The following DNAAF2 variants were observed in gnomAD, a reference collection of about 807,000 sequenced individuals.
DNAAF2 encodes the protein dynein axonemal assembly factor 2.
A neutral mutation model predicts 48.8 loss-of-function variants in DNAAF2; 58 were observed. The observed-to-expected ratio is 1.19, with a 90% CI of 0.96 to 1.48. The LOEUF (loss-of-function observed/expected upper bound fraction) is 1.48, where lower values mean the gene tolerates loss of function less well. Ranked by LOEUF, DNAAF2 falls within the 40% of genes most tolerant of loss-of-function variation. The probability of loss-of-function intolerance (pLI) is 0.00; values close to 1 mark genes in which losing one functional copy is unlikely to be tolerated. For missense variants in DNAAF2, 1,241 were observed against 1,116.1 expected, an observed-to-expected ratio of 1.11 and a Z score of -1.59; for synonymous variants, 567 against 481.2, an observed-to-expected ratio of 1.18 and a Z score of -2.33.
Position 49,625,859 on chromosome 14 carries a change from G to A in DNAAF2, c.2197C>T (p.Leu733Phe). 3 of 1,612,152 alleles carry A rather than the reference G, an allele frequency of 1.9e-6. No homozygotes were observed. The highest frequency in any genetic ancestry group is 2.5e-6 in the Non-Finnish European group (3 of 1,179,438). Residue 733 changes from leucine (L) to phenylalanine (F), a missense_variant, in exon 3 of 3, where the codon CTT (leucine) becomes TTT (phenylalanine). Coordinates refer to ENST00000298292, the MANE Select transcript of DNAAF2 (RefSeq NM_018139.3). ...GLVTCFQQES[L>F]DVSQMILGKS... is the part of the protein sequence containing the mutation. The stretch of plus-strand genomic sequence containing the variant: ...CCAAGTATCATTTGAGAAACATCAA[G>A]AGACTCTTGTTGAAAGCATGTAACT...
chr14:49,631,948 G>A (rs1255434692), intron 1 of DNAAF2, among the ~76,000 whole-genome samples: 1 of 152,142 alleles, frequency 6.6e-6, no homozygotes, highest in African/African-American at 2.4e-5. Context: ...GTTACATGCT[G>A]TTGTTCCATC....
Position 49,635,181 on chromosome 14 carries a change from A to G in DNAAF2, c.-32T>C. 6.5e-7 allele frequency: 1 copy of G among 1,548,586 alleles called. No individual in the cohort carries two copies. The highest frequency in any genetic ancestry group is 8.7e-7 in the Non-Finnish European group (1 of 1,145,924). ...CTGTGGCTCCTCGCCCTCGGGCCAA[A>G]GGCGATCAGTCTGACACTGGGTTGG... is the stretch of plus-strand genomic sequence containing the variant. On this transcript the variant is annotated 5_prime_UTR_variant, in exon 1 of 3. Coordinates refer to ENST00000298292, the MANE Select transcript of DNAAF2 (RefSeq NM_018139.3).
intron 1 of DNAAF2, 151 bp downstream of exon 1, chr14:49,633,136 G>A: frequency 1.2e-6 from 1 of 861,134 alleles, no homozygotes; most frequent in Non-Finnish European, 1.8e-6. Flanking sequence ...TGGCCAGGCT[G>A]GTCTAGAACT....
rs752095211 is a variant in DNAAF2 at position 49,625,683 on chromosome 14, G to A, written c.2373C>T (p.Asn791=). 1.1e-5 allele frequency: 17 copies of A among 1,613,530 alleles called. No homozygotes were observed. The highest frequency in any genetic ancestry group is 6.7e-5 in the Admixed American group (4 of 59,990). The change falls in exon 3 of 3, where the codon AAC becomes AAT. Residue 791 remains asparagine (N), a synonymous_variant. Coordinates refer to ENST00000298292, the MANE Select transcript of DNAAF2 (RefSeq NM_018139.3). ...TDGDHLSSLL[N]KTTVHNIPGF... is the part of the protein sequence containing the mutation. The stretch of plus-strand genomic sequence containing the variant: ...CAGGTATATTGTGAACCGTAGTTTT[G>A]TTCAGTAATGAAGATAGGTGATCTC...
At position 49,634,919 on chromosome 14, in the gene DNAAF2, C is replaced by T; in HGVS notation, c.231G>A (p.Val77=). ...GCGCCCCGTCCAGGCTGGTGCGCAG[C>T]ACATGGCCGGGCTCCGGGTGCACGA... ...VRFVHPEPGH[V]LRTSLDGARR... The change falls in exon 1 of 3, where the codon GTG becomes GTA. Residue 77 remains valine, a synonymous_variant. Transcript: ENST00000298292. The T allele has an allele frequency of 6.4e-7, 1 of 1,552,880 alleles. No individual in the cohort carries two copies. The highest frequency in any genetic ancestry group is 8.7e-7 in the Non-Finnish European group (1 of 1,148,076).
chr14:49,634,654 C>T lies in DNAAF2; in HGVS notation c.496G>A (p.Ala166Thr), dbSNP rs751601404. The change falls in exon 1 of 3, where the codon GCC becomes ACC. Residue 166 changes from alanine (A) to threonine (T), a missense_variant. Ala to Thr is a moderately conservative substitution (Grantham distance 58, BLOSUM62 0). Transcript: ENST00000298292. ...RHEGFRQMLD[A>T]TALEAVEKQF... is the part of the protein sequence containing the mutation. Reference sequence around the variant, plus strand: ...TTCTCGACGGCCTCCAGGGCCGTGGCGTCCAGCATCTGGCGGAAGCCCTCG... The same window carrying T: ...TTCTCGACGGCCTCCAGGGCCGTGGTGTCCAGCATCTGGCGGAAGCCCTCG... 3.1e-6 allele frequency: 5 copies of T among 1,606,722 alleles called. No homozygotes were observed. In the South Asian group the frequency reaches 5.5e-5, roughly 18 times the overall value.
chr14:49,625,994 C>A lies in DNAAF2; in HGVS notation c.2062G>T (p.Glu688Ter). The A allele has an allele frequency of 6.3e-7, 1 of 1,590,452 alleles. No homozygotes were observed. The highest frequency in any genetic ancestry group is 2.2e-5 in the East Asian group (1 of 44,540). ...TCCTTTTCAGTTAGATGACTTTCTTCATTTACTCTTTCCTCCTTTCCTTGT... is the reference window on the plus strand; with the variant it reads ...TCCTTTTCAGTTAGATGACTTTCTTAATTTACTCTTTCCTCCTTTCCTTGT... ...QLQGKEERVNEESHLTEKEYI... is the reference protein window; with the variant it reads ...QLQGKEERVN Residue 688 changes from glutamate (E) to a stop codon, truncating the protein, a stop_gained, in exon 3 of 3, where the codon GAA (glutamate) becomes TAA (stop). Transcript: ENST00000298292. LOFTEE classifies it low-confidence loss of function (END_TRUNC).
rs1555327928 is a variant in DNAAF2 at position 49,633,716 on chromosome 14, A to AC, written c.1433dup (p.Ser479PhefsTer12). 4.4e-6 allele frequency: 7 copies of AC among 1,597,622 alleles called. No homozygotes were observed. The highest frequency in any genetic ancestry group is 6.0e-6 in the Non-Finnish European group (7 of 1,170,736). On this transcript the variant is annotated frameshift_variant, in exon 1 of 3. Coordinates refer to ENST00000298292, the MANE Select transcript of DNAAF2 (RefSeq NM_018139.3). LOFTEE classifies it high-confidence loss of function. ...GCGCACTCTCTCTTCCCGCAGAAGA[A>AC]CCCCACGCCAGGCTCCGGGAGGACA...
chr14:49,633,082 C>A lies in DNAAF2; in HGVS notation c.1863+205G>T, dbSNP rs182203593. Among the ~76,000 whole-genome samples the A allele has an allele frequency of 1.1e-4, 17 of 152,134 alleles. No homozygotes were observed. The East Asian group carries it at 3.3e-3, about 30-fold the overall frequency. ...GACTACAGGCGCCCGCTACCATGCC[C>A]GGCTAATTTTTGCATTTTTAGTAGA... On this transcript the variant is annotated intron_variant, in intron 1 of 2. Transcript: ENST00000298292.
rs745419780 is a variant in DNAAF2, at chr14:49,634,055, C to CGCGGCG, written c.1089_1094dup (p.Ala364_Ala365dup). Reference sequence around the variant, plus strand: ...CGGACCGGTCCGCGGACTCTTCCGGCGCGGCGGCGGCGACGGCGACAGCGG... The same window carrying CGCGGCG: ...CGGACCGGTCCGCGGACTCTTCCGGCGCGGCGGCGGCGGCGGCGACGGCGACAGCGG... On this transcript the variant is annotated inframe_insertion, in exon 1 of 3. Transcript: ENST00000298292. 1.8e-5 allele frequency: 27 copies of CGCGGCG among 1,520,554 alleles called. No homozygotes were observed. Among genetic ancestry groups the CGCGGCG allele is most frequent in the Admixed American group, 6.3e-5 (3 of 47,732 alleles). The allele number at this position is 1,520,554 out of a possible 1,614,324, so 94.2% of individuals were successfully genotyped here. A position where few individuals can be genotyped will look rare whatever the true frequency, so the allele number is the denominator to read the frequency against.
Position 49,633,808 on chromosome 14 carries a change from G to A in DNAAF2, c.1342C>T (p.Pro448Ser). The change falls in exon 1 of 3, where the codon CCG (proline) becomes TCG (serine). Residue 448 changes from proline to serine, a missense_variant. Pro to Ser is a moderately conservative substitution (Grantham distance 74). Transcript: ENST00000298292. ...GGAGATGGCTCCTCCACGCTGCCCG[G>A]CGGTGACCCCGCGTGCCTGCTCAAG... is the stretch of plus-strand genomic sequence containing the variant. ...QDLSRHAGSP[P>S]GSVEEPSPGG... 6.3e-7 allele frequency: 1 copy of A among 1,588,638 alleles called. No homozygotes were observed.
Position 49,634,592 on chromosome 14 carries a change from C to T in DNAAF2, c.558G>A (p.Lys186=), listed in dbSNP as rs1322424627. 6.2e-7 allele frequency: 1 copy of T among 1,606,240 alleles called. No homozygotes were observed. The highest frequency in any genetic ancestry group is 8.5e-7 in the Non-Finnish European group (1 of 1,179,734). ...FGVKLDRRNA[K]TLKAKYKGTP... ...TCCCCTTATACTTGGCCTTCAGGGT[C>T]TTGGCATTCCTGCGGTCCAGCTTCA... The change falls in exon 1 of 3, where the codon AAG becomes AAA. Residue 186 remains lysine (K), a synonymous_variant. Transcript: ENST00000298292.
chr14:49,635,195 A>G lies in DNAAF2; in HGVS notation c.-46T>C. The G allele has an allele frequency of 6.5e-7, 1 of 1,537,992 alleles. No homozygotes were observed. The highest frequency in any genetic ancestry group is 8.8e-7 in the Non-Finnish European group (1 of 1,137,204). On this transcript the variant is annotated 5_prime_UTR_variant, in exon 1 of 3. Coordinates refer to ENST00000298292, the MANE Select transcript of DNAAF2 (RefSeq NM_018139.3). The stretch of plus-strand genomic sequence containing the variant: ...CCTCGGGCCAAAGGCGATCAGTCTG[A>G]CACTGGGTTGGGGGATCCGCCTCAG...
chr14:49,626,309 G>A (rs1464088215), intron 2 of DNAAF2, among the ~76,000 whole-genome samples: 3 of 152,000 alleles, frequency 2.0e-5, no homozygotes, highest in Admixed American at 6.6e-5. Flanking sequence ...CCAACATGGC[G>A]AAACCCCATC....
Position 49,634,499 on chromosome 14 carries a change from C to T in DNAAF2, c.651G>A (p.Pro217=), listed in dbSNP as rs747603885. The change falls in exon 1 of 3, where the codon CCG becomes CCA. Residue 217 remains proline (P), a synonymous_variant. Coordinates refer to ENST00000298292, the MANE Select transcript of DNAAF2 (RefSeq NM_018139.3). The part of the protein sequence containing the change: ...GVIPARPDGE[P]KGPLPDFPYP... ...AGGGGAAGTCCGGGAGAGGACCCTT[C>T]GGCTCCCCGTCAGGCCTTGCGGGGA... 3.1e-6 allele frequency: 5 copies of T among 1,594,192 alleles called. No individual in the cohort carries two copies. In the South Asian group the frequency reaches 4.4e-5, roughly 14 times the overall value.
Position 49,633,721 on chromosome 14 carries a change from A to T in DNAAF2, c.1429T>A (p.Trp477Arg), listed in dbSNP as rs1199577216. 1 of 1,596,602 alleles carries T rather than the reference A, an allele frequency of 6.3e-7. No homozygotes were observed. The highest frequency in any genetic ancestry group is 1.1e-5 in the South Asian group (1 of 90,030). ...SPCLSSRSLA[W>R]GSSAGRESAR... ...CTCTCTCTTCCCGCAGAAGAACCCC[A>T]CGCCAGGCTCCGGGAGGACAAACAA... Residue 477 changes from tryptophan to arginine, a missense_variant, in exon 1 of 3, where the codon TGG becomes AGG. By Grantham distance (101) the Trp-to-Arg change is moderately radical. Coordinates refer to ENST00000298292, the MANE Select transcript of DNAAF2 (RefSeq NM_018139.3).
Position 49,634,474 on chromosome 14 carries a change from AG to A in DNAAF2, c.675del (p.Tyr226ThrfsTer59). 6.3e-7 allele frequency: 1 copy of A among 1,580,158 alleles called. No homozygotes were observed. The highest frequency in any genetic ancestry group is 8.6e-7 in the Non-Finnish European group (1 of 1,169,002). ...GEPKGPLPDF[P>X]YPYQYPAAPG... ...GGGGCTGCCGGGTACTGGTAAGGGT[AG>A]GGGAAGTCCGGGAGAGGACCCTTCG... is the stretch of plus-strand genomic sequence containing the variant. On this transcript the variant is annotated frameshift_variant, in exon 1 of 3. Coordinates refer to ENST00000298292, the MANE Select transcript of DNAAF2 (RefSeq NM_018139.3). LOFTEE classifies it high-confidence loss of function.
At position 49,634,182 on chromosome 14, in the gene DNAAF2, G is replaced by C. The variant is rs750921798; in HGVS notation, c.968C>G (p.Pro323Arg). ...KPDYRLRLSL[P>R]YPVDDGRGKA... is the part of the protein sequence containing the mutation. ...GCCGCGGCCATCGTCCACTGGGTACGGGAGCGAGAGCCGCAGCCGGTAGTC... is the reference window on the plus strand; with the variant it reads ...GCCGCGGCCATCGTCCACTGGGTACCGGAGCGAGAGCCGCAGCCGGTAGTC... The change falls in exon 1 of 3, where the codon CCG becomes CGG. Residue 323 changes from proline (P) to arginine (R), a missense_variant. Pro to Arg is a moderately radical substitution (Grantham distance 103). Transcript: ENST00000298292. 23 of 1,609,558 alleles carry C rather than the reference G, an allele frequency of 1.4e-5. No homozygotes were observed. In the Admixed American group the frequency reaches 2.7e-4, roughly 19 times the overall value.
In DNAAF2 at chr14:49,625,736, C is replaced by T. The variant is rs769923434; in HGVS notation, c.2320G>A (p.Val774Ile). 1 of 1,613,402 alleles carries T rather than the reference C, an allele frequency of 6.2e-7. No individual in the cohort carries two copies. Residue 774 changes from valine to isoleucine, a missense_variant, in exon 3 of 3, where the codon GTA (valine) becomes ATA (isoleucine). Transcript: ENST00000298292. ...TCTGTTTCTTTCTCTTCAGTTATTA[C>T]TGACTCGTTTAAGTTATCTTTTTCC... ...NEEKDNLNES[V>I]ITEEKETDGD...
Sources: allele counts gnomAD v4.1 joint callset (sites outside exome capture counted in the v4.1 genomes callset), GRCh38; gene constraint gnomAD v4.1.1; transcripts MANE v1.5; gene names NCBI Gene and HGNC (gene_info 2026-07-23, HGNC 2026-07-21).